The following CPNE8 variants were observed in gnomAD, a reference collection of about 807,000 sequenced individuals.
CPNE8 encodes copine 8, also known as copine-8.
A neutral mutation model predicts 81.5 loss-of-function variants in CPNE8; 45 were observed. The observed-to-expected ratio is 0.55, with a 90% CI of 0.44 to 0.71. The LOEUF is 0.71. Among genes scored for constraint, CPNE8 ranks in the 30% least tolerant of loss-of-function variants. The pLI is 0.00. For synonymous variants in CPNE8, 252 were observed against 226.3 expected (o/e 1.11, Z -1.02); for missense variants, 594 against 672.1 (o/e 0.88, Z 1.28).
chr12:38,708,825 CAT>C (rs1940178290), intron 13 of CPNE8, among the ~76,000 whole-genome samples: 1 of 152,194 alleles, frequency 6.6e-6, no homozygotes, highest in Non-Finnish European at 1.5e-5. Flanking sequence ...TACCATCTTA[CAT>C]GTGTTTTCTA....
At chr12:38,790,146 A>G (rs549079088) in intron 6 of CPNE8, among the ~76,000 whole-genome samples, 41 of 151,968 alleles carry the variant, frequency 2.7e-4, no homozygotes, top group African/African-American at 9.4e-4. Flanking sequence ...TATCAAAGAC[A>G]TATCTGCACC....
chr12:38,894,929 A>T (rs1174984102), intron 1 of CPNE8, among the ~76,000 whole-genome samples: 2 of 152,112 alleles, frequency 1.3e-5, no homozygotes, highest in African/African-American at 4.8e-5. Flanking sequence ...ACAGTGAGAA[A>T]CAATTACATT....
At chr12:38,799,091 A>G (rs71461480) in intron 6 of CPNE8, among the ~76,000 whole-genome samples, 1 of 152,150 alleles carries the variant, frequency 6.6e-6, no homozygotes, top group African/African-American at 2.4e-5. Context: ...CTCCCACACA[A>G]TAATAATGGG....
chr12:38,801,110 C>A (rs1942654943), intron 6 of CPNE8, among the ~76,000 whole-genome samples: 3 of 117,476 alleles, frequency 2.6e-5, no homozygotes, highest in Non-Finnish European at 5.3e-5. Context: ...AGAACTTCCC[C>A]AATCTAGCAA....
intron 6 of CPNE8, among the ~76,000 whole-genome samples, chr12:38,796,087 C>T (rs1336087350): frequency 6.6e-6 from 1 of 152,100 alleles, no homozygotes; most frequent in African/African-American, 2.4e-5. Context: ...ATGGTGAAGG[C>T]CGTCTCTACC....
Position 38,742,897 on chromosome 12 carries a change from C to T in CPNE8, c.723-12539G>A, listed in dbSNP as rs79179454. ...AACCAGCAATATAAGTAGCATGATC[C>T]GTAAACATTTTTTCATGTTTATAAT... is the stretch of plus-strand genomic sequence containing the variant. On this transcript the variant is annotated intron_variant, in intron 10 of 19. Transcript: ENST00000331366. 3.7e-3 allele frequency among the ~76,000 whole-genome samples: 560 copies of T among 151,732 alleles called. 2 individuals carry two copies. Among genetic ancestry groups the T allele is most frequent in the African/African-American group, 0.013 (518 of 41,432 alleles).
rs769816637 is a variant in CPNE8 at position 38,776,292 on chromosome 12, T to G, written c.417A>C (p.Pro139=). Residue 139 remains proline, a synonymous_variant, in exon 7 of 20, where the codon CCA becomes CCC. Coordinates refer to ENST00000331366, the MANE Select transcript of CPNE8 (RefSeq NM_153634.3). ...SRLEKPIVGI[P]GKKCGTIILT... ...GTATGATTGTACCACATTTCTTCCC[T>G]GGAATTCCTCTAAAACAACAAAAAT... 15 of 1,522,320 alleles carry G rather than the reference T, an allele frequency of 9.9e-6. No homozygotes were observed. Among genetic ancestry groups the G allele is most frequent in the Non-Finnish European group, 1.3e-5 (14 of 1,118,982 alleles). 94.3% of individuals were successfully genotyped at this position (1,522,320 alleles called of 1,614,324 possible).
At chr12:38,778,675 G>A (rs1158423967) in intron 6 of CPNE8, among the ~76,000 whole-genome samples, 1 of 152,128 alleles carries the variant, frequency 6.6e-6, no homozygotes, top group East Asian at 1.9e-4. Flanking sequence ...AGTCAATACT[G>A]CAAGGTTTAG....
At chr12:38,906,342 G>T, upstream of CPNE8, 2 of 985,376 alleles carry the variant, frequency 2.0e-6, no homozygotes, top group Non-Finnish European at 2.4e-6. Context: ...CGGGGGGGCG[G>T]ACTCTAAGGT....
chr12:38,693,673 G>C lies in CPNE8; in HGVS notation c.1127C>G (p.Ser376Cys). 1.2e-6 allele frequency: 2 copies of C among 1,609,280 alleles called. No individual in the cohort carries two copies. Among genetic ancestry groups the C allele is most frequent in the Non-Finnish European group, 1.7e-6 (2 of 1,178,260 alleles). The change falls in exon 15 of 20, where the codon TCT (serine) becomes TGT (cysteine). Residue 376 changes from serine to cysteine, a missense_variant. Coordinates refer to ENST00000331366, the MANE Select transcript of CPNE8 (RefSeq NM_153634.3). Reference sequence around the variant, plus strand: ...AATTCTTACCAAAGCAAATTCGTGAGATATCCTTCCATCTGGAGGCAGTTT... The same window carrying C: ...AATTCTTACCAAAGCAAATTCGTGACATATCCTTCCATCTGGAGGCAGTTT... ...GAKLPPDGRI[S>C]HEFALNGNPQ...
intron 6 of CPNE8, among the ~76,000 whole-genome samples, chr12:38,797,377 C>T (rs968259860): frequency 6.6e-6 from 1 of 152,194 alleles, no homozygotes; most frequent in African/African-American, 2.4e-5. Context: ...CAGACGGCAG[C>T]ATTCGTGTTT....
Position 38,675,793 on chromosome 12 carries a change from A to G in CPNE8, c.1375-19T>C, listed in dbSNP as rs1322435792. 6.6e-7 allele frequency: 1 copy of G among 1,505,032 alleles called. No individual in the cohort carries two copies. Among genetic ancestry groups the G allele is most frequent in the African/African-American group, 1.4e-5 (1 of 72,708 alleles). 93.2% of individuals were successfully genotyped at this position (1,505,032 alleles called of 1,614,324 possible). A position where few individuals can be genotyped will look rare whatever the true frequency, so the allele number is the denominator to read the frequency against. On this transcript the variant is annotated intron_variant, in intron 17 of 19. Transcript: ENST00000331366. ...TTGAGGCCTTCAAAGAGAATATACA[A>G]TTAGGTTTCAATTAAGAAATTGAGT...
chr12:38,763,920 T>C (rs1475245117), intron 8 of CPNE8, among the ~76,000 whole-genome samples: 2 of 152,074 alleles, frequency 1.3e-5, no homozygotes, highest in Non-Finnish European at 2.9e-5. Flanking sequence ...TTCATTTTCC[T>C]ACTCTCAAAT....
At position 38,852,503 on chromosome 12, in the gene CPNE8, G is replaced by A. The variant is rs1327849663; in HGVS notation, c.187-3841C>T. Among the ~76,000 whole-genome samples, 5 of 151,722 alleles carry A rather than the reference G, an allele frequency of 3.3e-5. No individual in the cohort carries two copies. The South Asian group carries it at 6.2e-4, about 19-fold the overall frequency. ...TGTAATCCCAGTTACTCAGGAGGCT[G>A]AGGCAGGAGAATCACTTGAACCTAG... On this transcript the variant is annotated intron_variant, in intron 3 of 19. Coordinates refer to ENST00000331366, the MANE Select transcript of CPNE8 (RefSeq NM_153634.3).
At chr12:38,870,187 G>C in intron 3 of CPNE8, among the ~76,000 whole-genome samples, 1 of 152,246 alleles carries the variant, frequency 6.6e-6, no homozygotes, top group Non-Finnish European at 1.5e-5. Flanking sequence ...TACACTGTTG[G>C]TGGGAGTATA....
In CPNE8 at chr12:38,695,232, A is replaced by G. The variant is rs569522274; in HGVS notation, c.962-1394T>C. Among the ~76,000 whole-genome samples, 476 of 152,320 alleles carry G rather than the reference A, an allele frequency of 3.1e-3. 1 individual carries two copies. Among genetic ancestry groups the G allele is most frequent in the Non-Finnish European group, 4.9e-3 (333 of 68,030 alleles). ...TGTAAATCTTCTACAACCAAGGAGT[A>G]TCTTTCTCAAGGACATGGAAGGCAT... is the stretch of plus-strand genomic sequence containing the variant. On this transcript the variant is annotated intron_variant, in intron 14 of 19. Coordinates refer to ENST00000331366, the MANE Select transcript of CPNE8 (RefSeq NM_153634.3).
chr12:38,711,249 G>C (rs1477263238), intron 13 of CPNE8, among the ~76,000 whole-genome samples: 1 of 152,150 alleles, frequency 6.6e-6, no homozygotes, highest in Admixed American at 6.5e-5. Flanking sequence ...AGTGCACACT[G>C]TAACCAAGCA....
At chr12:38,826,940 C>A (rs533434380) in intron 6 of CPNE8, among the ~76,000 whole-genome samples, 3 of 148,762 alleles carry the variant, frequency 2.0e-5, no homozygotes, top group Non-Finnish European at 3.0e-5. Flanking sequence ...GAGGCCGAGG[C>A]GGGCAGATCA....
Position 38,696,534 on chromosome 12 carries a change from G to A in CPNE8, c.962-2696C>T, listed in dbSNP as rs201885084. Among the ~76,000 whole-genome samples the A allele has an allele frequency of 2.3e-4, 35 of 152,160 alleles. No individual in the cohort carries two copies. In the East Asian group the frequency reaches 6.4e-3, roughly 28 times the overall value. On this transcript the variant is annotated intron_variant, in intron 14 of 19. Coordinates refer to ENST00000331366, the MANE Select transcript of CPNE8 (RefSeq NM_153634.3). ...CTAATAGCCATAATAATTATAACAC[G>A]GAACTTAACATGTATTGACAATTTT... is the stretch of plus-strand genomic sequence containing the variant.
Sources: allele counts gnomAD v4.1 joint callset (sites outside exome capture counted in the v4.1 genomes callset), GRCh38; gene constraint gnomAD v4.1.1; transcripts MANE v1.5; gene names NCBI Gene and HGNC (gene_info 2026-07-23, HGNC 2026-07-21).